Variants in PRKN observed in about 807,000 individuals in gnomAD.
The protein encoded by PRKN is E3 ubiquitin-protein ligase parkin.
A neutral mutation model predicts 59.5 loss-of-function variants in PRKN; 56 were observed. The observed-to-expected ratio is 0.94, with a 90% CI of 0.76 to 1.18. PRKN has a LOEUF of 1.18. Ranked by LOEUF, PRKN falls within the 50% of genes most tolerant of loss-of-function variation. The pLI, the probability that PRKN is intolerant of heterozygous loss-of-function variation, is 0.00. For missense variants in PRKN, 657 were observed against 596.4 expected, an observed-to-expected ratio of 1.10 and a Z score of -1.06; for synonymous variants, 250 against 222.1, an observed-to-expected ratio of 1.13 and a Z score of -1.12.
chr6:161,649,799 G>C (rs1449265222), intron 7 of PRKN, among the ~76,000 whole-genome samples: 1 of 152,194 alleles, frequency 6.6e-6, no homozygotes, highest in Non-Finnish European at 1.5e-5. Context: ...GAGTGGTAGG[G>C]ACAATGTTGT....
chr6:162,306,111 C>T (rs1782209524), intron 2 of PRKN, among the ~76,000 whole-genome samples: 1 of 151,676 alleles, frequency 6.6e-6, no homozygotes, highest in Admixed American at 6.6e-5. Context: ...TTCCCTTTCT[C>T]CCAAATAGTA....
chr6:162,259,209 T>C (rs1779781656), intron 3 of PRKN, among the ~76,000 whole-genome samples: 1 of 152,224 alleles, frequency 6.6e-6, no homozygotes, highest in South Asian at 2.1e-4. Context: ...TAAAGAGGAA[T>C]GGTCTCAGGC....
At chr6:162,713,493 CAAA>C (rs373942233) in intron 1 of PRKN, among the ~76,000 whole-genome samples, 2 of 80,898 alleles carry the variant, frequency 2.5e-5, no homozygotes, top group Non-Finnish European at 4.5e-5. Context: ...GACTCCACCT[CAAA>C]AAAAAAAAAA....
At chr6:162,067,272 A>T (rs1452232996) in intron 4 of PRKN, among the ~76,000 whole-genome samples, 1 of 152,196 alleles carries the variant, frequency 6.6e-6, no homozygotes, top group Non-Finnish European at 1.5e-5. Flanking sequence ...AATTTTTAAG[A>T]TATTCACTGT....
intron 1 of PRKN, among the ~76,000 whole-genome samples, chr6:162,630,224 ATC>A (rs1315543731): frequency 1.3e-5 from 2 of 152,312 alleles, no homozygotes; most frequent in African/African-American, 4.8e-5. Flanking sequence ...AATAATTGGT[ATC>A]TGAAAGGCCC....
intron 7 of PRKN, among the ~76,000 whole-genome samples, chr6:161,708,326 T>C (rs1253455243): frequency 1.3e-5 from 2 of 152,188 alleles, no homozygotes; most frequent in African/African-American, 2.4e-5. Flanking sequence ...TTTTCTTTTA[T>C]GGAATTATAA....
rs1412043626 is a variant in PRKN at position 161,470,143 on chromosome 6, C to T, written c.1083+78711G>A. 6.6e-6 allele frequency among the ~76,000 whole-genome samples: 1 copy of T among 152,192 alleles called. No individual in the cohort carries two copies. The highest frequency in any genetic ancestry group is 1.5e-5 in the Non-Finnish European group (1 of 68,032). ...CAAAATTGCATAGCTAGGAAGTGAACTCTGGCTAGGGTCTAAACCTAGACA... is the reference window on the plus strand; with the variant it reads ...CAAAATTGCATAGCTAGGAAGTGAATTCTGGCTAGGGTCTAAACCTAGACA... On this transcript the variant is annotated intron_variant, in intron 9 of 11. Coordinates refer to ENST00000366898, the MANE Select transcript of PRKN (RefSeq NM_004562.3). The surrounding 1 kb of genome is among the most constrained non-coding windows in gnomAD (Gnocchi z 5.1).
intron 2 of PRKN, among the ~76,000 whole-genome samples, chr6:162,324,756 G>A (rs984304700): frequency 1.9e-4 from 29 of 152,100 alleles, no homozygotes; most frequent in Admixed American, 1.3e-4. Context: ...ATATGTGTAC[G>A]TATCTATGTG....
At chr6:161,705,469 A>G (rs1179808761) in intron 7 of PRKN, among the ~76,000 whole-genome samples, 3 of 152,222 alleles carry the variant, frequency 2.0e-5, no homozygotes, top group Non-Finnish European at 2.9e-5. Context: ...GCACCATCAT[A>G]AAGTCAAATA....
chr6:162,374,452 T>A (rs1450855535), intron 2 of PRKN, among the ~76,000 whole-genome samples: 1 of 151,934 alleles, frequency 6.6e-6, no homozygotes, highest in Non-Finnish European at 1.5e-5. Context: ...GACTTTAGTT[T>A]GGTTTGGTCT....
At chr6:162,027,949 G>A (rs561527375) in intron 5 of PRKN, among the ~76,000 whole-genome samples, 2 of 151,708 alleles carry the variant, frequency 1.3e-5, no homozygotes, top group South Asian at 2.1e-4. Context: ...CATACTAGAT[G>A]TTTTGATTTT....
At chr6:161,910,197 G>A (rs1378619972) in intron 6 of PRKN, among the ~76,000 whole-genome samples, 2 of 152,120 alleles carry the variant, frequency 1.3e-5, no homozygotes, top group East Asian at 1.9e-4. Context: ...TTGAGATGGC[G>A]TCTACTTCTA....
chr6:162,695,582 A>C (rs1034279620), intron 1 of PRKN, among the ~76,000 whole-genome samples: 1 of 152,040 alleles, frequency 6.6e-6, no homozygotes, highest in African/African-American at 2.4e-5. Context: ...TTTTTAAAAA[A>C]CTCTTTATAC....
At chr6:162,605,851 A>T (rs1360030540) in intron 1 of PRKN, among the ~76,000 whole-genome samples, 2 of 152,174 alleles carry the variant, frequency 1.3e-5, no homozygotes, top group Non-Finnish European at 2.9e-5. Context: ...AAGTAGACAA[A>T]AATTTGCCAA....
chr6:161,765,626 A>G (rs999352944), intron 7 of PRKN, among the ~76,000 whole-genome samples: 8 of 152,312 alleles, frequency 5.3e-5, no homozygotes, highest in African/African-American at 1.7e-4. Context: ...TTCTTGAAAC[A>G]GTACCTTCTA....
intron 9 of PRKN, among the ~76,000 whole-genome samples, chr6:161,465,907 C>T (rs1583104757): frequency 6.6e-6 from 1 of 151,994 alleles, no homozygotes; most frequent in Non-Finnish European, 1.5e-5. Flanking sequence ...CTTTTTTTCA[C>T]TTTGTGTTTC....
chr6:162,561,427 C>T (rs1779837453), intron 1 of PRKN, among the ~76,000 whole-genome samples: 5 of 152,150 alleles, frequency 3.3e-5, no homozygotes, highest in Admixed American at 2.6e-4. Context: ...CCGTTCGTCC[C>T]CCGACCCCGC....
intron 1 of PRKN, among the ~76,000 whole-genome samples, chr6:162,500,895 G>A (rs892129347): frequency 1.3e-5 from 2 of 152,152 alleles, no homozygotes; most frequent in Non-Finnish European, 2.9e-5. Flanking sequence ...GTTGGGTGCA[G>A]TGGTTCATGC....
intron 7 of PRKN, among the ~76,000 whole-genome samples, chr6:161,620,684 T>C (rs78391421): frequency 0.017 from 2,564 of 152,260 alleles, 83 homozygotes; most frequent in African/African-American, 0.059. Context: ...AGAGTTTACA[T>C]AGATTATTGG....
Sources: gnomAD v4.1 joint callset for allele counts (sites outside exome capture counted in the v4.1 genomes callset) on GRCh38, gnomAD v4.1.1 for gene constraint, Gnocchi (gnomAD v3.1) non-coding constraint, MANE v1.5 for transcripts, NCBI Gene and HGNC (gene_info 2026-07-23, HGNC 2026-07-21) for gene names.